Variants in ERC2 observed in about 807,000 individuals in gnomAD.
ERC2 encodes ELKS/RAB6-interacting/CAST family member 2, also known as ERC protein 2.
In ERC2, 42 loss-of-function variants were observed where a neutral mutation model predicts 114.8. The observed-to-expected ratio is 0.37, with a 90% confidence interval of 0.29 to 0.47. The LOEUF (loss-of-function observed/expected upper bound fraction) is 0.47. ERC2 is among the 20% of genes least tolerant of loss of function. The probability of loss-of-function intolerance (pLI) is 0.99; values close to 1 mark genes in which losing one functional copy is unlikely to be tolerated. For synonymous variants in ERC2, 454 were observed against 425.5 expected (o/e 1.07, Z -0.82); for missense variants, 939 against 1,150.7 (o/e 0.82, Z 2.66).
chr3:56,109,800 CCAA>C (rs112720288), intron 6 of ERC2, among the ~76,000 whole-genome samples: 26,014 of 151,984 alleles, frequency 0.17, 2,408 homozygotes, highest in African/African-American at 0.23. Flanking sequence ...TGTTTAAAAA[CCAA>C]CAACAACAAA....
intron 13 of ERC2, among the ~76,000 whole-genome samples, chr3:55,944,799 T>G (rs2149433287): frequency 6.6e-6 from 1 of 152,238 alleles, no homozygotes; most frequent in East Asian, 1.9e-4. Flanking sequence ...GATTATAGTG[T>G]GAAAGAAAAA....
intron 14 of ERC2, among the ~76,000 whole-genome samples, chr3:55,795,238 G>A (rs1168393966): frequency 6.6e-6 from 1 of 152,090 alleles, no homozygotes; most frequent in East Asian, 1.9e-4. Context: ...TCATTTCCCT[G>A]AGCACAGGGG....
Position 56,401,226 on chromosome 3 carries a change from GAAGT to G in ERC2, c.657+33121_657+33124del, listed in dbSNP as rs1225025085. Among the ~76,000 whole-genome samples, 6 of 152,324 alleles carry G rather than the reference GAAGT, an allele frequency of 3.9e-5. No homozygotes were observed. In the East Asian group the frequency reaches 9.6e-4, roughly 24 times the overall value. The stretch of plus-strand genomic sequence containing the variant: ...ACATTGTTTGGTCTAGGCATCTTGT[GAAGT>G]AAGTAGACTACACAGGAGTTAGTTA... On this transcript the variant is annotated intron_variant, in intron 2 of 17. Transcript: ENST00000288221.
At chr3:55,991,970 C>G in intron 11 of ERC2, 87 bp downstream of exon 11, 1 of 1,152,530 alleles carries the variant, frequency 8.7e-7, no homozygotes, top group South Asian at 1.5e-5. Flanking sequence ...TATGAATGTA[C>G]AGTCCAAATC....
chr3:56,261,571 C>T (rs906448260), intron 3 of ERC2, among the ~76,000 whole-genome samples: 2 of 152,210 alleles, frequency 1.3e-5, no homozygotes, highest in African/African-American at 4.8e-5. Context: ...TCGAGCTTTT[C>T]CTGAACTGTG....
At chr3:56,223,610 C>T (rs1274916429) in intron 3 of ERC2, among the ~76,000 whole-genome samples, 2 of 151,638 alleles carry the variant, frequency 1.3e-5, no homozygotes. Flanking sequence ...TTTAGCCCTG[C>T]AATGTATATA....
intron 14 of ERC2, among the ~76,000 whole-genome samples, chr3:55,829,730 G>C (rs2060488643): frequency 6.6e-6 from 1 of 152,056 alleles, no homozygotes; most frequent in Admixed American, 6.5e-5. Flanking sequence ...ATATTGCCCA[G>C]GCTGGTCTCA....
chr3:56,122,763 G>A (rs780701837), intron 6 of ERC2, among the ~76,000 whole-genome samples: 10 of 152,070 alleles, frequency 6.6e-5, no homozygotes, highest in East Asian at 1.9e-4. Context: ...AAAAATGCCC[G>A]AATGCCCGTA....
At chr3:55,932,742 T>A (rs1019285039) in intron 13 of ERC2, among the ~76,000 whole-genome samples, 1 of 152,158 alleles carries the variant, frequency 6.6e-6, no homozygotes. Flanking sequence ...CTTCCAAAAG[T>A]AACAGATGAC....
intron 15 of ERC2, among the ~76,000 whole-genome samples, chr3:55,726,663 C>T (rs2064941338): frequency 6.6e-6 from 1 of 152,202 alleles, no homozygotes; most frequent in Non-Finnish European, 1.5e-5. Flanking sequence ...CAACACAGGG[C>T]AGAGAGGCTC....
At chr3:55,876,617 A>C (rs2149294892) in intron 14 of ERC2, among the ~76,000 whole-genome samples, 1 of 152,382 alleles carries the variant, frequency 6.6e-6, no homozygotes, top group South Asian at 2.1e-4. Flanking sequence ...GGACCAGCCC[A>C]ACCCTTGAGG....
intron 10 of ERC2, among the ~76,000 whole-genome samples, chr3:55,992,791 T>C (rs1019041336): frequency 2.0e-5 from 3 of 152,174 alleles, no homozygotes; most frequent in Non-Finnish European, 4.4e-5. Context: ...GAAATATAGT[T>C]TGAAAGGAGG....
intron 6 of ERC2, among the ~76,000 whole-genome samples, chr3:56,090,429 GC>G (rs11287889): frequency 0.17 from 25,916 of 152,140 alleles, 2,376 homozygotes; most frequent in African/African-American, 0.23. Context: ...TAGGGATATA[GC>G]CTTTTAACAA....
chr3:55,534,451 T>A (rs1223928717), intron 17 of ERC2, among the ~76,000 whole-genome samples: 1 of 150,734 alleles, frequency 6.6e-6, no homozygotes, highest in East Asian at 1.9e-4. Flanking sequence ...CCCAGCACTT[T>A]AGGAGGCCAA....
chr3:56,188,295 C>A (rs2083757334), intron 3 of ERC2, among the ~76,000 whole-genome samples: 2 of 152,208 alleles, frequency 1.3e-5, no homozygotes, highest in African/African-American at 4.8e-5. Context: ...CTTTACACAT[C>A]TTCCCTCACA....
At chr3:55,954,070 G>T (rs934917651) in intron 12 of ERC2, among the ~76,000 whole-genome samples, 1 of 102,230 alleles carries the variant, frequency 9.8e-6, no homozygotes, top group African/African-American at 4.1e-5. Context: ...AGACTGACTT[G>T]CTCCATTATT....
At chr3:55,984,109 T>G (rs1348104678) in intron 12 of ERC2, among the ~76,000 whole-genome samples, 1 of 152,156 alleles carries the variant, frequency 6.6e-6, no homozygotes, top group Non-Finnish European at 1.5e-5. Flanking sequence ...GGTTAAATGA[T>G]ATTGGAATGA....
At chr3:56,229,605 G>C (rs903839316) in intron 3 of ERC2, among the ~76,000 whole-genome samples, 7 of 152,086 alleles carry the variant, frequency 4.6e-5, no homozygotes, top group Non-Finnish European at 8.8e-5. Flanking sequence ...ACAAGCTAAA[G>C]CAATCAAAGA....
chr3:55,776,140 T>TTTGTTG (rs553669928), intron 14 of ERC2, among the ~76,000 whole-genome samples: 1,738 of 151,768 alleles, frequency 0.011, 37 homozygotes, highest in African/African-American at 0.04. Flanking sequence ...TAGAATGTTA[T>TTTGTTG]TTGTTGTTGT....
Sources: allele counts gnomAD v4.1 joint callset (sites outside exome capture counted in the v4.1 genomes callset), GRCh38; gene constraint gnomAD v4.1.1; transcripts MANE v1.5; gene names NCBI Gene and HGNC (gene_info 2026-07-23, HGNC 2026-07-21).